The following SAMTOR variants were observed in gnomAD, a reference collection of about 807,000 sequenced individuals.
SAMTOR encodes the protein UPF0532 protein C7orf60.
the SAMTOR span, among the ~76,000 whole-genome samples, chr7:112,824,865 A>G: frequency 6.6e-6 from 1 of 152,156 alleles, no homozygotes; most frequent in Non-Finnish European, 1.5e-5. Flanking sequence ...TGTCTTGAAT[A>G]CTGTAGCTTT....
the SAMTOR span, among the ~76,000 whole-genome samples, chr7:112,881,035 A>G: frequency 6.6e-6 from 1 of 152,120 alleles, no homozygotes; most frequent in African/African-American, 2.4e-5. Flanking sequence ...AGACCCGGGC[A>G]TCCCTGCGCT....
At chr7:112,915,284 G>A in the SAMTOR span, 592 of 1,579,412 alleles carry the variant, frequency 3.7e-4, 3 homozygotes, top group African/African-American at 7.6e-3. Flanking sequence ...AACCAAAAAC[G>A]TTAATTCATA....
the SAMTOR span, among the ~76,000 whole-genome samples, chr7:112,837,240 A>G: frequency 6.6e-6 from 1 of 151,902 alleles, no homozygotes; most frequent in African/African-American, 2.4e-5. Flanking sequence ...CTCAGCTTGA[A>G]TGTTCTTGAT....
chr7:112,901,171 G>A, the SAMTOR span, among the ~76,000 whole-genome samples: 8 of 152,154 alleles, frequency 5.3e-5, no homozygotes, highest in South Asian at 2.1e-4. Context: ...GTACTGGTCC[G>A]TGACCTGTTA....
At chr7:112,926,761 G>A in the SAMTOR span, among the ~76,000 whole-genome samples, 2 of 152,058 alleles carry the variant, frequency 1.3e-5, no homozygotes, top group African/African-American at 4.8e-5. Flanking sequence ...ATCAAAAAAA[G>A]GGGAGAAGAC....
the SAMTOR span, chr7:112,821,997 G>C: frequency 1.9e-6 from 3 of 1,613,622 alleles, no homozygotes; most frequent in South Asian, 3.3e-5. Context: ...GGTTTTTAGA[G>C]AGATTTTCCT....
the SAMTOR span, among the ~76,000 whole-genome samples, chr7:112,927,570 G>A: frequency 3.3e-5 from 5 of 151,938 alleles, no homozygotes; most frequent in Admixed American, 1.3e-4. Flanking sequence ...AAAAATACAT[G>A]TGTCTTAAAG....
At chr7:112,938,481 C>T in the SAMTOR span, among the ~76,000 whole-genome samples, 1 of 152,194 alleles carries the variant, frequency 6.6e-6, no homozygotes, top group African/African-American at 2.4e-5. Flanking sequence ...GTGTATAAAT[C>T]AACAGTAACA....
At chr7:112,890,469 A>G in the SAMTOR span, among the ~76,000 whole-genome samples, 7 of 148,850 alleles carry the variant, frequency 4.7e-5, no homozygotes, top group African/African-American at 7.8e-5. Context: ...CTTGTAGGGG[A>G]AAAAAATCCA....
chr7:112,885,070 G>C, the SAMTOR span, among the ~76,000 whole-genome samples: 1 of 152,234 alleles, frequency 6.6e-6, no homozygotes, highest in South Asian at 2.1e-4. Context: ...TGCACCCTCT[G>C]AAGCAATGGC....
At chr7:112,885,516 A>C in the SAMTOR span, among the ~76,000 whole-genome samples, 1 of 152,186 alleles carries the variant, frequency 6.6e-6, no homozygotes, top group African/African-American at 2.4e-5. Context: ...GGGCAGGAGC[A>C]AAATGCTGCC....
At chr7:112,907,818 T>C in the SAMTOR span, among the ~76,000 whole-genome samples, 1 of 150,682 alleles carries the variant, frequency 6.6e-6, no homozygotes, top group African/African-American at 2.4e-5. Context: ...GGTGAAGTTA[T>C]AGAGAAATGG....
chr7:112,897,742 A>G, the SAMTOR span, among the ~76,000 whole-genome samples: 2 of 152,196 alleles, frequency 1.3e-5, no homozygotes, highest in African/African-American at 2.4e-5. Context: ...CGACTGCATA[A>G]AAGAGAGAAA....
At chr7:112,840,446 T>C in the SAMTOR span, among the ~76,000 whole-genome samples, 1 of 151,924 alleles carries the variant, frequency 6.6e-6, no homozygotes, top group South Asian at 2.1e-4. Context: ...AGCTTTAGAA[T>C]TTCTTTTAAG....
the SAMTOR span, among the ~76,000 whole-genome samples, chr7:112,870,638 T>C: frequency 1.3e-5 from 2 of 151,694 alleles, no homozygotes; most frequent in Non-Finnish European, 2.9e-5. Context: ...TAATTGAGAC[T>C]ACAAAGCAAC....
the SAMTOR span, among the ~76,000 whole-genome samples, chr7:112,873,653 G>T: frequency 6.6e-6 from 1 of 152,080 alleles, no homozygotes; most frequent in Middle Eastern, 3.2e-3. Context: ...CATTGGCCTA[G>T]GCAAAGAATA....
chr7:112,895,790 A>G, the SAMTOR span: 56 of 1,278,026 alleles, frequency 4.4e-5, no homozygotes, highest in African/African-American at 6.5e-4. Flanking sequence ...CGACTACAAA[A>G]TAAGACGGAA....
chr7:112,882,459 G>A, the SAMTOR span, among the ~76,000 whole-genome samples: 1,343 of 152,262 alleles, frequency 8.8e-3, 18 homozygotes, highest in African/African-American at 0.03. Context: ...GGGAGGCCGA[G>A]GCAGGAGGAT....
At chr7:112,906,478 T>C in the SAMTOR span, among the ~76,000 whole-genome samples, 1 of 151,914 alleles carries the variant, frequency 6.6e-6, no homozygotes, top group African/African-American at 2.4e-5. Context: ...ACAAGAAATG[T>C]GCATAATCAC....
Sources: allele counts gnomAD v4.1 joint callset (sites outside exome capture counted in the v4.1 genomes callset), GRCh38; gene constraint gnomAD v4.1.1; transcripts MANE v1.5; gene names NCBI Gene and HGNC (gene_info 2026-07-23, HGNC 2026-07-21).